CAB39: variants seen among roughly 807,000 people sequenced by gnomAD.
The protein encoded by CAB39 is calcium binding protein 39, also known as calcium-binding protein 39.
A neutral mutation model predicts 40.0 loss-of-function variants in CAB39; 8 were observed. The observed-to-expected ratio is 0.20, with a 90% confidence interval of 0.12 to 0.36. CAB39 has a LOEUF of 0.36. Among genes scored for constraint, CAB39 ranks in the 10% least tolerant of loss-of-function variants. The pLI is 1.00. For missense variants in CAB39, 270 were observed against 401.1 expected, an observed-to-expected ratio of 0.67 and a Z score of 2.79; for synonymous variants, 156 against 141.6, an observed-to-expected ratio of 1.10 and a Z score of -0.72.
At chr2:230,793,610 T>G (rs1418093098) in intron 4 of CAB39, among the ~76,000 whole-genome samples, 5 of 152,224 alleles carry the variant, frequency 3.3e-5, no homozygotes, top group African/African-American at 1.2e-4. Context: ...CTCTGTGGTC[T>G]TATTTCTGTT....
chr2:230,729,214 A>G (rs369245633), intron 1 of CAB39, among the ~76,000 whole-genome samples: 2 of 152,230 alleles, frequency 1.3e-5, no homozygotes, highest in South Asian at 2.1e-4. Context: ...ACCTCTGGCT[A>G]TATCATCCCA....
rs543987140 is a variant in CAB39 at position 230,810,083 on chromosome 2, A to G, written c.568-180A>G. ...CATAATCATTAAAATTGCAGTTCCA[A>G]ATAATTAATGATTTTATTTTGCTCT... On this transcript the variant is annotated intron_variant, in intron 5 of 8. Transcript: ENST00000258418. Among the ~76,000 whole-genome samples, 27 of 152,294 alleles carry G rather than the reference A, an allele frequency of 1.8e-4. No homozygotes were observed. In the South Asian group the frequency reaches 5.4e-3, roughly 30 times the overall value.
Position 230,744,228 on chromosome 2 carries a change from A to G in CAB39, c.-43-15731A>G, listed in dbSNP as rs571802013. ...GCCACCGTGCCCAGCCCCATGATAC[A>G]TTCTTAACTTCGAAGAGCTACTTAG... On this transcript the variant is annotated intron_variant, in intron 1 of 8. Coordinates refer to ENST00000258418, the MANE Select transcript of CAB39 (RefSeq NM_016289.4). Among the ~76,000 whole-genome samples, 342 of 151,986 alleles carry G rather than the reference A, an allele frequency of 2.3e-3. 1 individual carries two copies. Among genetic ancestry groups the G allele is most frequent in the African/African-American group, 7.7e-3 (320 of 41,436 alleles).
rs964838444 is a variant in CAB39 at position 230,759,982 on chromosome 2, A to G, written c.-20A>G. The G allele has an allele frequency of 5.8e-6, 8 of 1,384,718 alleles. No homozygotes were observed. The East Asian group carries it at 6.9e-5, about 12-fold the overall frequency. The allele number at this position is 1,384,718 out of a possible 1,614,324, so 85.8% of individuals were successfully genotyped here. A position where few individuals can be genotyped will look rare whatever the true frequency, so the allele number is the denominator to read the frequency against. ...AGGTAGCACAGGCGGAGTGCAGCGG[A>G]GGCCCCTGCCGCTGCCGTCATGCCG... On this transcript the variant is annotated 5_prime_UTR_variant, in exon 2 of 9. Coordinates refer to ENST00000258418, the MANE Select transcript of CAB39 (RefSeq NM_016289.4).
rs767366871 is a variant in CAB39 at position 230,728,524 on chromosome 2, C to T, written c.-44+15294C>T. On this transcript the variant is annotated intron_variant, in intron 1 of 8. Transcript: ENST00000258418. Reference sequence around the variant, plus strand: ...CCATGTTGTCCAGGCTGGTCTTGAACGCCTGAGCTCAGAGCAATCCACCTG... The same window carrying T: ...CCATGTTGTCCAGGCTGGTCTTGAATGCCTGAGCTCAGAGCAATCCACCTG... Among the ~76,000 whole-genome samples, 4 of 152,154 alleles carry T rather than the reference C, an allele frequency of 2.6e-5. No homozygotes were observed. The East Asian group carries it at 5.8e-4, about 22-fold the overall frequency.
intron 1 of CAB39, among the ~76,000 whole-genome samples, chr2:230,742,476 A>G (rs1047324471): frequency 6.6e-6 from 1 of 152,086 alleles, no homozygotes; most frequent in Non-Finnish European, 1.5e-5. Context: ...CGCCTGGCCA[A>G]TAAATCTTGT....
At position 230,719,981 on chromosome 2, in the gene CAB39, A is replaced by G. The variant is rs74959367; in HGVS notation, c.-44+6751A>G. On this transcript the variant is annotated intron_variant, in intron 1 of 8. Coordinates refer to ENST00000258418, the MANE Select transcript of CAB39 (RefSeq NM_016289.4). Reference sequence around the variant, plus strand: ...CTGAAGTTCTCTGCTTAGGGTAATGAGAATAACATCAAAATGTGTATTTTC... The same window carrying G: ...CTGAAGTTCTCTGCTTAGGGTAATGGGAATAACATCAAAATGTGTATTTTC... Among the ~76,000 whole-genome samples the G allele has an allele frequency of 7.3e-3, 1,112 of 152,316 alleles. 18 individuals are homozygous for G. Among genetic ancestry groups the G allele is most frequent in the African/African-American group, 0.025 (1,038 of 41,570 alleles).
intron 1 of CAB39, among the ~76,000 whole-genome samples, chr2:230,736,988 C>T (rs759852889): frequency 6.6e-6 from 1 of 152,006 alleles, no homozygotes; most frequent in East Asian, 1.9e-4. Context: ...ACAGTTGGCT[C>T]GAATGGCAAC....
At chr2:230,770,689 C>A (rs1239764096) in intron 2 of CAB39, among the ~76,000 whole-genome samples, 1 of 152,252 alleles carries the variant, frequency 6.6e-6, no homozygotes, top group East Asian at 1.9e-4. Flanking sequence ...TGCAGAATTT[C>A]TCTATTTTAG....
chr2:230,802,489 T>C (rs1033950715), intron 5 of CAB39, among the ~76,000 whole-genome samples: 3 of 151,918 alleles, frequency 2.0e-5, no homozygotes, highest in Non-Finnish European at 2.9e-5. Flanking sequence ...TTTGAAAAGA[T>C]CAACAAAATT....
At chr2:230,776,707 C>G (rs1240699671) in intron 2 of CAB39, among the ~76,000 whole-genome samples, 1 of 151,826 alleles carries the variant, frequency 6.6e-6, no homozygotes, top group Non-Finnish European at 1.5e-5. Flanking sequence ...TCTTCCCCCC[C>G]CGAGATGGAG....
intron 3 of CAB39, among the ~76,000 whole-genome samples, chr2:230,791,658 A>G (rs887697362): frequency 6.6e-6 from 1 of 152,104 alleles, no homozygotes; most frequent in African/African-American, 2.4e-5. Flanking sequence ...GAGTAGCATC[A>G]CAGGGCGTCT....
intron 1 of CAB39, among the ~76,000 whole-genome samples, chr2:230,748,831 A>AAAAAAAATATAT (rs1386799920): frequency 2.5e-4 from 7 of 28,510 alleles, no homozygotes; most frequent in Non-Finnish European, 3.8e-4. Context: ...AAAAAAAAAA[A>AAAAAAAATATAT]ATATATATAT....
intron 1 of CAB39, among the ~76,000 whole-genome samples, chr2:230,739,083 T>A (rs1694832925): frequency 6.6e-6 from 1 of 152,238 alleles, no homozygotes; most frequent in Non-Finnish European, 1.5e-5. Context: ...ATTATCTCTA[T>A]AAAAGAGCAG....
chr2:230,736,768 T>C (rs1397517645), intron 1 of CAB39, among the ~76,000 whole-genome samples: 1 of 152,128 alleles, frequency 6.6e-6, no homozygotes, highest in Non-Finnish European at 1.5e-5. Flanking sequence ...TCTGTAAAAA[T>C]GAAGTACCTG....
intron 7 of CAB39, among the ~76,000 whole-genome samples, chr2:230,816,006 G>T (rs183297840): frequency 2.0e-3 from 301 of 152,356 alleles, no homozygotes; most frequent in African/African-American, 7.0e-3. Flanking sequence ...GAGTATGGTG[G>T]CTCACGCCTG....
At chr2:230,734,795 C>T in intron 1 of CAB39, among the ~76,000 whole-genome samples, 1 of 123,390 alleles carries the variant, frequency 8.1e-6, no homozygotes, top group South Asian at 2.2e-4. Flanking sequence ...ATCCCAGAGG[C>T]ATTCCACCCC....
intron 2 of CAB39, among the ~76,000 whole-genome samples, chr2:230,761,970 C>T (rs1452808618): frequency 1.3e-5 from 2 of 151,874 alleles, no homozygotes; most frequent in East Asian, 1.9e-4. Flanking sequence ...TGTAGTGGCA[C>T]GATCTCAGCT....
chr2:230,733,278 G>A (rs1694727573), intron 1 of CAB39, among the ~76,000 whole-genome samples: 3 of 152,076 alleles, frequency 2.0e-5, no homozygotes. Context: ...CCATTCAGCA[G>A]TTGCAAGACT....
Sources: gnomAD v4.1 joint callset for allele counts (sites outside exome capture counted in the v4.1 genomes callset) on GRCh38, gnomAD v4.1.1 for gene constraint, MANE v1.5 for transcripts, NCBI Gene and HGNC (gene_info 2026-07-23, HGNC 2026-07-21) for gene names.